The following CCDC148 variants were observed in gnomAD, a reference collection of about 807,000 sequenced individuals.
CCDC148 encodes the protein coiled-coil domain containing 148.
Under a neutral mutation model 85.7 loss-of-function variants are expected in CCDC148, and 89 were observed. That is an observed-to-expected ratio of 1.04 (90% confidence interval 0.87 to 1.24). CCDC148 has a LOEUF of 1.24. Among genes scored for constraint, CCDC148 ranks in the 50% most tolerant of loss-of-function variants. The probability of loss-of-function intolerance (pLI) is 0.00; values close to 1 mark genes in which losing one functional copy is unlikely to be tolerated. For synonymous variants in CCDC148, 230 were observed against 213.9 expected, an observed-to-expected ratio of 1.08 and a Z score of -0.66; for missense variants, 692 against 671.7, an observed-to-expected ratio of 1.03 and a Z score of -0.33.
At position 158,310,567 on chromosome 2, in the gene CCDC148, G is replaced by C. The variant is rs958247487; in HGVS notation, c.904-928C>G. On this transcript the variant is annotated intron_variant, in intron 8 of 13. Transcript: ENST00000283233. ...AGAGGCGCCCCCCACCTCCCAGACA[G>C]GGCGGCTGCCGGGCGGAGGGGCTCC... Among the ~76,000 whole-genome samples the C allele has an allele frequency of 6.6e-5, 10 of 151,680 alleles. No individual in the cohort carries two copies. In the East Asian group the frequency reaches 1.6e-3, roughly 24 times the overall value.
At chr2:158,345,842 G>T (rs1412234300) in intron 2 of CCDC148, among the ~76,000 whole-genome samples, 1 of 152,150 alleles carries the variant, frequency 6.6e-6, no homozygotes, top group Non-Finnish European at 1.5e-5. Flanking sequence ...AGATGGGAAA[G>T]GTTCCTTGGA....
intron 1 of CCDC148, among the ~76,000 whole-genome samples, chr2:158,409,063 T>C (rs920098017): frequency 1.3e-5 from 2 of 152,026 alleles, no homozygotes; most frequent in Admixed American, 1.3e-4. Context: ...GAATTTTATA[T>C]ATAGAGAGAG....
At chr2:158,255,830 A>T (rs754107693) in intron 9 of CCDC148, among the ~76,000 whole-genome samples, 1 of 151,780 alleles carries the variant, frequency 6.6e-6, no homozygotes, top group Non-Finnish European at 1.5e-5. Flanking sequence ...ACTACTAACT[A>T]CAGGGCATTT....
chr2:158,281,414 A>G (rs1188068306), intron 9 of CCDC148, among the ~76,000 whole-genome samples: 2 of 152,190 alleles, frequency 1.3e-5, no homozygotes, highest in Non-Finnish European at 2.9e-5. Flanking sequence ...AGAAGAATCA[A>G]ATAGACGCAA....
intron 11 of CCDC148, among the ~76,000 whole-genome samples, chr2:158,195,155 C>T (rs2140026): frequency 0.68 from 103,659 of 151,796 alleles, 35,587 homozygotes; most frequent in East Asian, 0.85. Flanking sequence ...TTCCAGTTCA[C>T]TGGCTTTATT....
intron 11 of CCDC148, among the ~76,000 whole-genome samples, chr2:158,218,916 A>G (rs1417822645): frequency 6.6e-6 from 1 of 152,206 alleles, no homozygotes; most frequent in African/African-American, 2.4e-5. Context: ...AATAATGTGC[A>G]TTTCGTCCAG....
chr2:158,278,034 T>C (rs560699537), intron 9 of CCDC148, among the ~76,000 whole-genome samples: 65 of 152,316 alleles, frequency 4.3e-4, no homozygotes, highest in Non-Finnish European at 6.6e-4. Flanking sequence ...ACCTCAGTCA[T>C]TAGAGTGTCC....
chr2:158,334,028 T>C (rs2356086), intron 7 of CCDC148, among the ~76,000 whole-genome samples: 128,817 of 152,048 alleles, frequency 0.85, 54,756 homozygotes, highest in East Asian at 0.97. Context: ...TTCCTTTTAT[T>C]CTCCTGCTGC....
chr2:158,343,007 ATT>A (rs1682806673), intron 3 of CCDC148, among the ~76,000 whole-genome samples: 1 of 152,094 alleles, frequency 6.6e-6, no homozygotes, highest in Admixed American at 6.6e-5. Flanking sequence ...ATATGTTTTC[ATT>A]TTGTTTTGCT....
intron 1 of CCDC148, among the ~76,000 whole-genome samples, chr2:158,387,250 G>T (rs1685123429): frequency 6.6e-6 from 1 of 150,558 alleles, no homozygotes; most frequent in Non-Finnish European, 1.5e-5. Context: ...TCACCCAGTA[G>T]GCAAAGCTAG....
intron 1 of CCDC148, among the ~76,000 whole-genome samples, chr2:158,433,090 AAAT>A (rs1458636648): frequency 1.4e-5 from 1 of 69,730 alleles, no homozygotes; most frequent in Non-Finnish European, 3.5e-5. Context: ...AAAAAAAAAA[AAAT>A]ATATATATAT....
intron 5 of CCDC148, 121 bp from the exon 6 acceptor site, chr2:158,339,206 G>A: frequency 1.4e-6 from 1 of 729,164 alleles, no homozygotes; most frequent in Non-Finnish European, 2.3e-6. Context: ...ACCTGTGGAA[G>A]AGAGTTAAAG....
chr2:158,269,723 A>C (rs993493263), intron 9 of CCDC148, among the ~76,000 whole-genome samples: 1 of 152,140 alleles, frequency 6.6e-6, no homozygotes, highest in African/African-American at 2.4e-5. Flanking sequence ...GTGACCAACA[A>C]AATAATGCAT....
chr2:158,182,239 AC>A, intron 11 of CCDC148, among the ~76,000 whole-genome samples: 1 of 152,092 alleles, frequency 6.6e-6, no homozygotes, highest in East Asian at 1.9e-4. Flanking sequence ...GGCAGATGCC[AC>A]CATCTAGAAA....
At position 158,313,775 on chromosome 2, in the gene CCDC148, T is replaced by G; in HGVS notation, c.884A>C (p.His295Pro). The G allele has an allele frequency of 6.2e-7, 1 of 1,613,726 alleles. No individual in the cohort carries two copies. Among genetic ancestry groups the G allele is most frequent in the Non-Finnish European group, 8.5e-7 (1 of 1,179,802 alleles). The part of the protein sequence containing the change: ...YLDMLQRYFP[H>P]KSRHDLVEHE... ...ACTCACCAAATCATGCCTAGATTTG[T>G]GAGGAAAATATCTTTGTAACATGTC... The change falls in exon 8 of 14, where the codon CAC becomes CCC. Residue 295 changes from histidine to proline, a missense_variant. Coordinates refer to ENST00000283233, the MANE Select transcript of CCDC148 (RefSeq NM_138803.4).
intron 9 of CCDC148, among the ~76,000 whole-genome samples, chr2:158,276,505 G>T (rs980931844): frequency 6.6e-6 from 1 of 151,968 alleles, no homozygotes; most frequent in African/African-American, 2.4e-5. Flanking sequence ...GCAGTGAGCC[G>T]AGATCACGCC....
intron 1 of CCDC148, among the ~76,000 whole-genome samples, chr2:158,405,426 A>G (rs1045628543): frequency 2.6e-5 from 4 of 152,174 alleles, no homozygotes; most frequent in African/African-American, 7.2e-5. Context: ...GTGACATTCA[A>G]TAAGTCTAAA....
chr2:158,226,929 C>A (rs1394962187), intron 10 of CCDC148, among the ~76,000 whole-genome samples: 1 of 152,096 alleles, frequency 6.6e-6, no homozygotes, highest in Non-Finnish European at 1.5e-5. Context: ...CACTCCTATT[C>A]AACATAGTGT....
At chr2:158,333,840 G>A (rs992809008) in intron 7 of CCDC148, among the ~76,000 whole-genome samples, 2 of 152,066 alleles carry the variant, frequency 1.3e-5, no homozygotes, top group African/African-American at 4.8e-5. Context: ...ATTATGGTAA[G>A]TCTTGAAGTT....
Sources: allele counts gnomAD v4.1 joint callset (sites outside exome capture counted in the v4.1 genomes callset), GRCh38; gene constraint gnomAD v4.1.1; transcripts MANE v1.5; gene names NCBI Gene and HGNC (gene_info 2026-07-23, HGNC 2026-07-21).